Variants in SLC2A13 observed in about 807,000 individuals in gnomAD.
SLC2A13 encodes the protein solute carrier family 2 member 13, also known as proton myo-inositol cotransporter.
In SLC2A13, 32 loss-of-function variants were observed where a neutral mutation model predicts 64.4. The observed-to-expected ratio is 0.50, with a 90% CI of 0.37 to 0.67. SLC2A13 has a LOEUF of 0.67. Among genes scored for constraint, SLC2A13 ranks in the 30% least tolerant of loss-of-function variants. SLC2A13 has a pLI of 0.00. For synonymous variants in SLC2A13, 338 were observed against 327.1 expected (o/e 1.03, Z -0.36); for missense variants, 743 against 829.2 (o/e 0.90, Z 1.28).
At chr12:39,992,429 T>C (rs1328913613) in intron 3 of SLC2A13, among the ~76,000 whole-genome samples, 1 of 152,102 alleles carries the variant, frequency 6.6e-6, no homozygotes, top group Non-Finnish European at 1.5e-5. Context: ...AGAAAGACAA[T>C]AGCAGGTTGG....
chr12:39,836,282 A>G (rs1040913210), intron 6 of SLC2A13, among the ~76,000 whole-genome samples: 1 of 152,146 alleles, frequency 6.6e-6, no homozygotes, highest in Admixed American at 6.6e-5. Context: ...AACTGAATGC[A>G]GATATATTAG....
chr12:40,053,195 T>A (rs1221245852), intron 1 of SLC2A13, among the ~76,000 whole-genome samples: 1 of 150,320 alleles, frequency 6.7e-6, no homozygotes, highest in Admixed American at 6.7e-5. Context: ...GGCAGGGGAA[T>A]TGCTTGAACC....
chr12:39,796,172 C>G (rs1453025041), intron 7 of SLC2A13, among the ~76,000 whole-genome samples: 1 of 152,070 alleles, frequency 6.6e-6, no homozygotes, highest in African/African-American at 2.4e-5. Flanking sequence ...AACATGTTTC[C>G]AAGGTTATGC....
At chr12:39,787,870 G>T (rs1344988735) in intron 7 of SLC2A13, among the ~76,000 whole-genome samples, 1 of 152,106 alleles carries the variant, frequency 6.6e-6, no homozygotes, top group Non-Finnish European at 1.5e-5. Context: ...CTGTTTGCTA[G>T]CCATGAATCC....
chr12:40,027,762 C>A (rs1036266061), intron 3 of SLC2A13, among the ~76,000 whole-genome samples: 1 of 152,178 alleles, frequency 6.6e-6, no homozygotes, highest in Non-Finnish European at 1.5e-5. Flanking sequence ...AAATGTCTAC[C>A]TTTTCCTCGT....
chr12:39,780,981 T>A (rs1940959760), intron 7 of SLC2A13, among the ~76,000 whole-genome samples: 1 of 152,198 alleles, frequency 6.6e-6, no homozygotes, highest in South Asian at 2.1e-4. Flanking sequence ...AGATGGAAAG[T>A]CATTATCGTA....
chr12:40,089,565 A>G (rs1216235800), intron 1 of SLC2A13, among the ~76,000 whole-genome samples: 1 of 152,190 alleles, frequency 6.6e-6, no homozygotes. Flanking sequence ...TCTGAATACA[A>G]GGAAGACTTC....
At chr12:40,004,116 T>C (rs1263874800) in intron 3 of SLC2A13, among the ~76,000 whole-genome samples, 2 of 152,218 alleles carry the variant, frequency 1.3e-5, no homozygotes, top group African/African-American at 4.8e-5. Context: ...TTCGGTTTTA[T>C]AAGTAATCCA....
At chr12:40,014,898 G>A (rs933918227) in intron 3 of SLC2A13, among the ~76,000 whole-genome samples, 1 of 152,168 alleles carries the variant, frequency 6.6e-6, no homozygotes, top group African/African-American at 2.4e-5. Flanking sequence ...GAAAACAAAT[G>A]TTTTATGCAA....
chr12:39,991,806 T>TTAA (rs201888042), intron 3 of SLC2A13, among the ~76,000 whole-genome samples: 21 of 151,844 alleles, frequency 1.4e-4, no homozygotes, highest in East Asian at 3.9e-4. Context: ...ACTATCTTTT[T>TTAA]AAAAAAAAAT....
chr12:39,878,717 A>T (rs1272209028), intron 4 of SLC2A13, among the ~76,000 whole-genome samples: 1 of 152,258 alleles, frequency 6.6e-6, no homozygotes, highest in Non-Finnish European at 1.5e-5. Context: ...GAAAATTTGC[A>T]GCCTGGCCAT....
intron 6 of SLC2A13, among the ~76,000 whole-genome samples, chr12:39,847,885 T>C (rs1405192284): frequency 6.6e-6 from 1 of 152,206 alleles, no homozygotes; most frequent in East Asian, 1.9e-4. Context: ...TCTCTCTAAA[T>C]ATATACTTGT....
intron 3 of SLC2A13, among the ~76,000 whole-genome samples, chr12:39,951,620 AC>A: frequency 6.6e-6 from 1 of 152,340 alleles, no homozygotes; most frequent in East Asian, 1.9e-4. Flanking sequence ...ATTTATGGGT[AC>A]TAGAAGACCT....
intron 4 of SLC2A13, among the ~76,000 whole-genome samples, chr12:39,896,119 TAC>T (rs1440998689): frequency 6.7e-6 from 1 of 149,262 alleles, no homozygotes. Flanking sequence ...TATGAATGCA[TAC>T]ATATATGTAT....
chr12:39,827,121 A>G (rs1407885128), intron 7 of SLC2A13, among the ~76,000 whole-genome samples: 2 of 151,768 alleles, frequency 1.3e-5, no homozygotes, highest in Non-Finnish European at 2.9e-5. Context: ...CTGGGTTCTG[A>G]TAATTCCATG....
At chr12:40,041,743 T>C (rs927868815) in intron 2 of SLC2A13, among the ~76,000 whole-genome samples, 2 of 152,228 alleles carry the variant, frequency 1.3e-5, no homozygotes, top group Non-Finnish European at 2.9e-5. Context: ...GCCTCATAAC[T>C]AGGTTTCCTA....
intron 7 of SLC2A13, among the ~76,000 whole-genome samples, chr12:39,807,192 A>G (rs1310124597): frequency 6.6e-6 from 1 of 152,224 alleles, no homozygotes; most frequent in Non-Finnish European, 1.5e-5. Flanking sequence ...TGAGGAGTTA[A>G]GGACAGGGCC....
intron 4 of SLC2A13, among the ~76,000 whole-genome samples, chr12:39,937,478 C>T (rs1443345706): frequency 6.6e-6 from 1 of 152,150 alleles, no homozygotes; most frequent in Non-Finnish European, 1.5e-5. Flanking sequence ...TTTATTGGCA[C>T]AGAAAGTCTA....
chr12:39,998,051 CA>C (rs1311305885), intron 3 of SLC2A13, among the ~76,000 whole-genome samples: 1 of 152,050 alleles, frequency 6.6e-6, no homozygotes, highest in East Asian at 1.9e-4. Context: ...AGTTATTATA[CA>C]AAAAAGATAC....
Sources: allele counts gnomAD v4.1 joint callset (sites outside exome capture counted in the v4.1 genomes callset), GRCh38; gene constraint gnomAD v4.1.1; transcripts MANE v1.5; gene names NCBI Gene and HGNC (gene_info 2026-07-23, HGNC 2026-07-21).